CMIP: variants seen among roughly 807,000 people sequenced by gnomAD.
The protein encoded by CMIP is C-Maf-inducing protein.
A neutral mutation model predicts 97.3 loss-of-function variants in CMIP; 13 were observed. The ratio of observed to expected loss-of-function variants is 0.13; its 90% CI spans 0.09 to 0.21. The LOEUF (loss-of-function observed/expected upper bound fraction) is 0.21. CMIP is among the 10% of genes least tolerant of loss of function. The probability of loss-of-function intolerance (pLI) is 1.00; values close to 1 mark genes in which losing one functional copy is unlikely to be tolerated. For synonymous variants in CMIP, 538 were observed against 436.3 expected, an observed-to-expected ratio of 1.23 and a Z score of -2.91; for missense variants, 847 against 1,024.9, an observed-to-expected ratio of 0.83 and a Z score of 2.37.
chr16:81,478,457 C>T lies in CMIP; in HGVS notation c.300+32916C>T, dbSNP rs188120773. Among the ~76,000 whole-genome samples, 12 of 152,274 alleles carry T rather than the reference C, an allele frequency of 7.9e-5. No individual in the cohort carries two copies. The East Asian group carries it at 1.7e-3, about 22-fold the overall frequency. ...TGAGCTCCCTGAGAAAGCAGGTGTG[C>T]AAGCAAAGGTCAGATGGACATGTGT... is the stretch of plus-strand genomic sequence containing the variant. On this transcript the variant is annotated intron_variant, in intron 1 of 20. Transcript: ENST00000537098.
At chr16:81,499,406 T>C (rs2089554364) in intron 1 of CMIP, among the ~76,000 whole-genome samples, 1 of 152,040 alleles carries the variant, frequency 6.6e-6, no homozygotes, top group Non-Finnish European at 1.5e-5. Context: ...CCTTTCAGAG[T>C]CCCTTCTAGG....
At chr16:81,545,340 G>A (rs988473735) in intron 1 of CMIP, among the ~76,000 whole-genome samples, 1 of 152,220 alleles carries the variant, frequency 6.6e-6, no homozygotes, top group African/African-American at 2.4e-5. Context: ...CATGGTGCCT[G>A]GAAGAGGGTG....
chr16:81,517,596 A>G (rs546624355), intron 1 of CMIP, among the ~76,000 whole-genome samples: 1 of 152,356 alleles, frequency 6.6e-6, no homozygotes, highest in South Asian at 2.1e-4. Flanking sequence ...TATATTATTC[A>G]AATTGTAATG....
intron 1 of CMIP, among the ~76,000 whole-genome samples, chr16:81,451,804 T>G (rs1906232261): frequency 6.6e-6 from 1 of 152,228 alleles, no homozygotes; most frequent in South Asian, 2.1e-4. Flanking sequence ...TTTTGTTCCC[T>G]GACTTCCTGC....
chr16:81,566,929 A>G (rs1019753122), intron 1 of CMIP, among the ~76,000 whole-genome samples: 5 of 152,264 alleles, frequency 3.3e-5, no homozygotes, highest in Admixed American at 6.5e-5. Context: ...AGGTCAGACA[A>G]AACTACCCTG....
intron 1 of CMIP, among the ~76,000 whole-genome samples, chr16:81,600,312 C>G (rs1005150240): frequency 6.7e-6 from 1 of 148,910 alleles, no homozygotes; most frequent in East Asian, 2.0e-4. Flanking sequence ...ATAAAGCTGG[C>G]TCTTCACTAT....
intron 3 of CMIP, among the ~76,000 whole-genome samples, chr16:81,646,554 T>C (rs761521511): frequency 9.9e-5 from 15 of 152,230 alleles, no homozygotes; most frequent in Non-Finnish European, 1.6e-4. Context: ...AGTAAATTTA[T>C]AAAGTTGTAC....
At chr16:81,595,709 C>T (rs1356730682) in intron 1 of CMIP, among the ~76,000 whole-genome samples, 1 of 152,158 alleles carries the variant, frequency 6.6e-6, no homozygotes, top group Admixed American at 6.5e-5. Flanking sequence ...TTTCAAGGTT[C>T]ATCCATGTGG....
intron 1 of CMIP, among the ~76,000 whole-genome samples, chr16:81,588,755 G>A (rs1432202589): frequency 6.6e-6 from 1 of 152,116 alleles, no homozygotes. Context: ...CTGTTTAGTC[G>A]TGGGGCACAG....
At chr16:81,706,901 A>G in intron 19 of CMIP, 113 bp from the exon 20 acceptor site, 2 of 836,688 alleles carry the variant, frequency 2.4e-6, no homozygotes, top group Non-Finnish European at 4.0e-6. Context: ...CCCCAGCCCC[A>G]TCTCCTAACA....
intron 1 of CMIP, among the ~76,000 whole-genome samples, chr16:81,475,153 C>T (rs910354232): frequency 1.3e-5 from 2 of 152,122 alleles, no homozygotes; most frequent in Admixed American, 6.5e-5. Context: ...CCTTCTCTCC[C>T]TCCCTCCCTC....
intron 1 of CMIP, among the ~76,000 whole-genome samples, chr16:81,570,678 G>A (rs910048338): frequency 6.6e-6 from 1 of 152,110 alleles, no homozygotes; most frequent in South Asian, 2.1e-4. Flanking sequence ...TGGCAAAAAC[G>A]CGGTCCTGTT....
chr16:81,488,975 A>AT (rs59981484), intron 1 of CMIP, among the ~76,000 whole-genome samples: 83,196 of 148,514 alleles, frequency 0.56, 23,491 homozygotes, highest in African/African-American at 0.69. Context: ...TCTTTCATTC[A>AT]TTTTTTTTTT....
intron 4 of CMIP, among the ~76,000 whole-genome samples, chr16:81,653,473 G>A (rs1046211331): frequency 2.6e-5 from 4 of 152,266 alleles, no homozygotes; most frequent in African/African-American, 9.6e-5. Context: ...GGTCAGAGGT[G>A]TTGTCCTCAG....
chr16:81,685,652 C>G (rs1250289772), intron 10 of CMIP, among the ~76,000 whole-genome samples: 1 of 152,034 alleles, frequency 6.6e-6, no homozygotes, highest in African/African-American at 2.4e-5. Flanking sequence ...TCAAAGAATC[C>G]TCCCACCTCA....
At chr16:81,589,460 T>C (rs916258163) in intron 1 of CMIP, among the ~76,000 whole-genome samples, 1 of 151,762 alleles carries the variant, frequency 6.6e-6, no homozygotes, top group Admixed American at 6.6e-5. Flanking sequence ...AGAAGCACAG[T>C]AGAAACATAT....
intron 1 of CMIP, among the ~76,000 whole-genome samples, chr16:81,549,113 C>T (rs1026563542): frequency 6.6e-6 from 1 of 152,188 alleles, no homozygotes; most frequent in Non-Finnish European, 1.5e-5. Context: ...AGTAGGTAGT[C>T]AGGGAAAGGG....
chr16:81,513,726 C>T (rs1206733290), intron 1 of CMIP, among the ~76,000 whole-genome samples: 1 of 152,226 alleles, frequency 6.6e-6, no homozygotes, highest in Non-Finnish European at 1.5e-5. Flanking sequence ...CCAGGCCAAG[C>T]CGTTTTGCAA....
At chr16:81,471,961 A>G (rs1162746958) in intron 1 of CMIP, among the ~76,000 whole-genome samples, 2 of 152,190 alleles carry the variant, frequency 1.3e-5, no homozygotes, top group East Asian at 1.9e-4. Context: ...GCGGTTGACT[A>G]TGGGTCACTG....
Sources: allele counts gnomAD v4.1 joint callset (sites outside exome capture counted in the v4.1 genomes callset), GRCh38; gene constraint gnomAD v4.1.1; transcripts MANE v1.5; gene names NCBI Gene and HGNC (gene_info 2026-07-23, HGNC 2026-07-21).